The following CAP2 variants were observed in gnomAD, a reference collection of about 807,000 sequenced individuals.
The protein encoded by CAP2 is adenylyl cyclase-associated protein 2.
In CAP2, 24 loss-of-function variants were observed where a neutral mutation model predicts 57.7. The observed-to-expected ratio is 0.42, with a 90% CI of 0.30 to 0.58. The LOEUF (loss-of-function observed/expected upper bound fraction) is 0.58, where lower values mean the gene tolerates loss of function less well. Ranked by LOEUF, CAP2 falls within the 20% of genes least tolerant of loss-of-function variation. The pLI is 0.22. For missense variants in CAP2, 501 were observed against 590.3 expected (o/e 0.85, Z 1.57); for synonymous variants, 194 against 207.2 (o/e 0.94, Z 0.55).
intron 1 of CAP2, among the ~76,000 whole-genome samples, chr6:17,410,899 A>G (rs924777889): frequency 6.6e-6 from 1 of 152,192 alleles, no homozygotes; most frequent in Non-Finnish European, 1.5e-5. Flanking sequence ...AAAGAGGCAC[A>G]ATCCTTTTTC....
intron 11 of CAP2, 135 bp from the exon 12 acceptor site, chr6:17,551,329 C>A: frequency 1.5e-6 from 1 of 650,688 alleles, no homozygotes; most frequent in Non-Finnish European, 2.6e-6. Context: ...ACTCACCTCC[C>A]CAGCTTTGAC....
chr6:17,428,602 T>C (rs1426474026), intron 3 of CAP2, among the ~76,000 whole-genome samples: 4 of 127,670 alleles, frequency 3.1e-5, no homozygotes, highest in Non-Finnish European at 3.2e-5. Context: ...GGAAGGGGAA[T>C]ATCACACTCT....
intron 1 of CAP2, among the ~76,000 whole-genome samples, chr6:17,394,743 A>C (rs1758627029): frequency 6.6e-6 from 1 of 152,048 alleles, no homozygotes; most frequent in South Asian, 2.1e-4. Context: ...ATCTAAGCCC[A>C]CTTAGTGTAA....
chr6:17,395,440 T>C (rs1758641524), intron 1 of CAP2, among the ~76,000 whole-genome samples: 1 of 152,188 alleles, frequency 6.6e-6, no homozygotes, highest in Non-Finnish European at 1.5e-5. Context: ...TAAAAACTAT[T>C]CTTAGCTTGA....
chr6:17,425,896 A>C (rs901094096), intron 2 of CAP2, among the ~76,000 whole-genome samples: 2 of 152,114 alleles, frequency 1.3e-5, no homozygotes, highest in Admixed American at 1.3e-4. Context: ...GGAGTTGGAA[A>C]CTAGCCTGAC....
intron 3 of CAP2, among the ~76,000 whole-genome samples, chr6:17,444,639 C>CAAAA (rs59730697): frequency 1.1e-5 from 1 of 90,008 alleles, no homozygotes; most frequent in Non-Finnish European, 2.2e-5. Flanking sequence ...GACTCTGTCT[C>CAAAA]AAAAAAAAAA....
intron 7 of CAP2, among the ~76,000 whole-genome samples, chr6:17,527,841 G>A (rs1762546895): frequency 6.6e-6 from 1 of 152,100 alleles, no homozygotes; most frequent in African/African-American, 2.4e-5. Context: ...GACCTCAAGC[G>A]ATCCACCTGC....
At position 17,408,147 on chromosome 6, in the gene CAP2, A is replaced by T. The variant is rs146931073; in HGVS notation, c.-1-13408A>T. On this transcript the variant is annotated intron_variant, in intron 1 of 12. Coordinates refer to ENST00000229922, the MANE Select transcript of CAP2 (RefSeq NM_006366.3). ...AAGGATACCTGAGACTCATTTACAA[A>T]GATTAGAGGTTTGTTTGGCTGACAG... 7.2e-3 allele frequency among the ~76,000 whole-genome samples: 1,089 copies of T among 152,288 alleles called. 6 individuals are homozygous for T. Among genetic ancestry groups the T allele is most frequent in the Non-Finnish European group, 0.011 (761 of 68,040 alleles).
chr6:17,509,166 A>G (rs1299071751), intron 6 of CAP2, among the ~76,000 whole-genome samples: 17 of 152,190 alleles, frequency 1.1e-4, no homozygotes, highest in Admixed American at 1.1e-3. Context: ...ATTGCATAAA[A>G]TACATAAATA....
At chr6:17,451,612 C>T (rs1029936319) in intron 3 of CAP2, among the ~76,000 whole-genome samples, 21 of 151,906 alleles carry the variant, frequency 1.4e-4, no homozygotes, top group African/African-American at 5.1e-4. Context: ...CGGGTTCAAG[C>T]GATTCTCCTG....
At chr6:17,429,200 T>A (rs1175043680) in intron 3 of CAP2, among the ~76,000 whole-genome samples, 1 of 152,158 alleles carries the variant, frequency 6.6e-6, no homozygotes, top group Non-Finnish European at 1.5e-5. Flanking sequence ...GCGTGATAAC[T>A]CCTGAACGCT....
intron 1 of CAP2, among the ~76,000 whole-genome samples, chr6:17,405,963 A>G (rs538060051): frequency 2.6e-5 from 4 of 152,114 alleles, no homozygotes; most frequent in African/African-American, 9.6e-5. Flanking sequence ...CTGGTCGTGA[A>G]CTCCTGGGCT....
rs79124615 is a variant in CAP2, at chr6:17,519,471, G to C, written c.636+5517G>C. On this transcript the variant is annotated intron_variant, in intron 7 of 12. Coordinates refer to ENST00000229922, the MANE Select transcript of CAP2 (RefSeq NM_006366.3). The stretch of plus-strand genomic sequence containing the variant: ...TATGAGCTTTTTTCCAACTTATTAA[G>C]ACAGCTGTCAACTAGAAAGACCCCA... Among the ~76,000 whole-genome samples, 24 of 152,196 alleles carry C rather than the reference G, an allele frequency of 1.6e-4. No individual in the cohort carries two copies. The East Asian group carries it at 3.7e-3, about 23-fold the overall frequency.
chr6:17,553,355 G>A (rs778574365), intron 12 of CAP2, among the ~76,000 whole-genome samples: 18 of 125,156 alleles, frequency 1.4e-4, no homozygotes, highest in Non-Finnish European at 2.0e-4. Flanking sequence ...GGTCTTGGCC[G>A]CGTGCTGTGG....
At chr6:17,511,382 T>G (rs531329256) in intron 6 of CAP2, among the ~76,000 whole-genome samples, 2 of 152,266 alleles carry the variant, frequency 1.3e-5, no homozygotes, top group South Asian at 4.2e-4. Context: ...TAAACAGGAC[T>G]GTGAGCAGTG....
chr6:17,451,241 A>AT (rs1159768573), intron 3 of CAP2, among the ~76,000 whole-genome samples: 1 of 151,532 alleles, frequency 6.6e-6, no homozygotes, highest in Non-Finnish European at 1.5e-5. Context: ...CAAAAAAAAA[A>AT]AATAATAATA....
At chr6:17,534,318 A>C (rs1762718869) in intron 7 of CAP2, among the ~76,000 whole-genome samples, 1 of 152,226 alleles carries the variant, frequency 6.6e-6, no homozygotes, top group African/African-American at 2.4e-5. Context: ...GTCTTTGTTG[A>C]ATTCTCCATG....
chr6:17,522,021 A>G (rs888130312), intron 7 of CAP2, among the ~76,000 whole-genome samples: 1 of 152,076 alleles, frequency 6.6e-6, no homozygotes, highest in Non-Finnish European at 1.5e-5. Context: ...AGGCAGGAGA[A>G]TCGCTTGAAC....
chr6:17,464,501 G>T (rs999173612), intron 4 of CAP2, among the ~76,000 whole-genome samples: 2 of 152,156 alleles, frequency 1.3e-5, no homozygotes, highest in African/African-American at 4.8e-5. Flanking sequence ...AGCCATGCTT[G>T]TGCAGTAGAA....
Sources: gnomAD v4.1 joint callset for allele counts (sites outside exome capture counted in the v4.1 genomes callset) on GRCh38, gnomAD v4.1.1 for gene constraint, MANE v1.5 for transcripts, NCBI Gene and HGNC (gene_info 2026-07-23, HGNC 2026-07-21) for gene names.